The following PRDM16 variants were observed in gnomAD, a reference collection of about 807,000 sequenced individuals.
PRDM16 encodes PR/SET domain 16.
A neutral mutation model predicts 110.6 loss-of-function variants in PRDM16; 23 were observed. The observed-to-expected ratio is 0.21, with a 90% CI of 0.15 to 0.29. The LOEUF is 0.29. PRDM16 is among the 10% of genes least tolerant of loss of function. PRDM16 has a pLI of 1.00. For synonymous variants in PRDM16, 799 were observed against 781.8 expected, an observed-to-expected ratio of 1.02 and a Z score of -0.37; for missense variants, 1,615 against 1,794.3, an observed-to-expected ratio of 0.90 and a Z score of 1.81.
chr1:3,091,069 C>G (rs1008701691), intron 1 of PRDM16, among the ~76,000 whole-genome samples: 1 of 152,260 alleles, frequency 6.6e-6, no homozygotes, highest in African/African-American at 2.4e-5. Flanking sequence ...AGCTCTAGCT[C>G]TGGACGGGGC....
At chr1:3,303,291 C>G (rs1003917821) in intron 3 of PRDM16, among the ~76,000 whole-genome samples, 1 of 152,004 alleles carries the variant, frequency 6.6e-6, no homozygotes, top group African/African-American at 2.4e-5. Flanking sequence ...TTTGCCTCTT[C>G]CAGACATTTC....
chr1:3,222,856 A>C (rs1639197909), intron 2 of PRDM16, among the ~76,000 whole-genome samples: 1 of 152,174 alleles, frequency 6.6e-6, no homozygotes, highest in South Asian at 2.1e-4. Context: ...ATGTGAGGGC[A>C]CTTTGCATCC....
At position 3,204,712 on chromosome 1, in the gene PRDM16, G is replaced by A. The variant is rs541038589; in HGVS notation, c.387+18238G>A. The stretch of plus-strand genomic sequence containing the variant: ...TGTACGTAGACGTGTGACCACGATC[G>A]TGTGTTCTGTCTTTGGCCCGACCGG... On this transcript the variant is annotated intron_variant, in intron 2 of 16. Transcript: ENST00000270722. Among the ~76,000 whole-genome samples the A allele has an allele frequency of 1.1e-4, 16 of 152,264 alleles. No individual in the cohort carries two copies. The East Asian group carries it at 2.9e-3, about 27-fold the overall frequency.
chr1:3,303,046 A>G (rs1001848833), intron 3 of PRDM16, among the ~76,000 whole-genome samples: 4 of 152,206 alleles, frequency 2.6e-5, no homozygotes, highest in African/African-American at 9.7e-5. Flanking sequence ...ACACTTATAT[A>G]TATCAGCTTT....
At chr1:3,163,547 C>T (rs1015776295) in intron 1 of PRDM16, among the ~76,000 whole-genome samples, 40 of 152,200 alleles carry the variant, frequency 2.6e-4, no homozygotes, top group East Asian at 5.8e-4. Context: ...AGGTCCTAAC[C>T]GGGTACCCCA....
chr1:3,324,676 CAG>C (rs1015285350), intron 3 of PRDM16, among the ~76,000 whole-genome samples: 5 of 151,962 alleles, frequency 3.3e-5, no homozygotes, highest in Middle Eastern at 3.2e-3. Flanking sequence ...CGGGCACAGG[CAG>C]GCTCCGACTC....
chr1:3,247,779 C>CG (rs1407436060), intron 3 of PRDM16, among the ~76,000 whole-genome samples: 1 of 152,246 alleles, frequency 6.6e-6, no homozygotes, highest in African/African-American at 2.4e-5. Context: ...CCTGGGCGCG[C>CG]GTCACCGGCG....
In PRDM16 at chr1:3,157,182, CCGCT is replaced by C. The variant is rs1459153795; in HGVS notation, c.38-28940_38-28937del. 4.6e-5 allele frequency among the ~76,000 whole-genome samples: 7 copies of C among 152,122 alleles called. No individual in the cohort carries two copies. Among genetic ancestry groups the C allele is most frequent in the Non-Finnish European group, 1.0e-4 (7 of 68,024 alleles). ...GAGGGCGGGACCTGGAGAAGGAGGG[CCGCT>C]CGGCAACCGCTGAGCCGGCGCAAGA... On this transcript the variant is annotated intron_variant, in intron 1 of 16. Transcript: ENST00000270722. This position sits in a 1 kb window ranked among gnomAD's most constrained non-coding sequence, Gnocchi z 4.8.
intron 3 of PRDM16, among the ~76,000 whole-genome samples, chr1:3,311,917 G>C (rs1641470695): frequency 6.6e-6 from 1 of 152,176 alleles, no homozygotes; most frequent in South Asian, 2.1e-4. Flanking sequence ...TCGCTCTACA[G>C]CTTTGCAGGT....
At position 3,118,211 on chromosome 1, in the gene PRDM16, G is replaced by A. The variant is rs78362105; in HGVS notation, c.37+48915G>A. ...TGCATGCATGTACACACGCACACACGCACACACACACGTGCACACACGTGC... is the reference window on the plus strand; with the variant it reads ...TGCATGCATGTACACACGCACACACACACACACACACGTGCACACACGTGC... On this transcript the variant is annotated intron_variant, in intron 1 of 16. Transcript: ENST00000270722. Among the ~76,000 whole-genome samples, 998 of 151,556 alleles carry A rather than the reference G, an allele frequency of 6.6e-3. 13 individuals carry two copies. Among genetic ancestry groups the A allele is most frequent in the African/African-American group, 0.021 (874 of 41,346 alleles).
rs546011939 is a variant in PRDM16 at position 3,204,301 on chromosome 1, G to T, written c.387+17827G>T. Among the ~76,000 whole-genome samples, 69 of 152,242 alleles carry T rather than the reference G, an allele frequency of 4.5e-4. 1 individual carries two copies. Among genetic ancestry groups the T allele is most frequent in the Admixed American group, 3.6e-3 (55 of 15,294 alleles). On this transcript the variant is annotated intron_variant, in intron 2 of 16. Transcript: ENST00000270722. ...TGGGGGGAGGGCAGTGGAAATTGGG[G>T]TAACTGTGGACCCCGCCTGCTCCCC...
intron 2 of PRDM16, among the ~76,000 whole-genome samples, chr1:3,219,008 G>A (rs1427769234): frequency 1.3e-5 from 2 of 152,208 alleles, no homozygotes; most frequent in Non-Finnish European, 2.9e-5. Flanking sequence ...AGGGGTCCTC[G>A]CGTCCAGTGC....
At chr1:3,369,842 T>C (rs1642878713) in intron 3 of PRDM16, among the ~76,000 whole-genome samples, 1 of 152,230 alleles carries the variant, frequency 6.6e-6, no homozygotes, top group Admixed American at 6.5e-5. Flanking sequence ...TGACCATTTT[T>C]GTATGTCAAA....
In PRDM16 at chr1:3,358,186, C is replaced by A. The variant is rs575414482; in HGVS notation, c.439-26966C>A. On this transcript the variant is annotated intron_variant, in intron 3 of 16. Transcript: ENST00000270722. This position sits in a 1 kb window ranked among gnomAD's most constrained non-coding sequence, Gnocchi z 4.0. ...CACACAGACACGGTGCAATAGGCCACTTTCTGGCCTTGGAGGGAAGTTTGT... is the reference window on the plus strand; with the variant it reads ...CACACAGACACGGTGCAATAGGCCAATTTCTGGCCTTGGAGGGAAGTTTGT... 6.6e-6 allele frequency among the ~76,000 whole-genome samples: 1 copy of A among 152,374 alleles called. No individual in the cohort carries two copies. The highest frequency in any genetic ancestry group is 2.4e-5 in the African/African-American group (1 of 41,602).
chr1:3,103,121 G>A (rs1642570219), intron 1 of PRDM16, among the ~76,000 whole-genome samples: 1 of 152,172 alleles, frequency 6.6e-6, no homozygotes, highest in Non-Finnish European at 1.5e-5. Context: ...AGGAGAGATG[G>A]GCAGCTCCAT....
chr1:3,141,340 G>A (rs1246494728), intron 1 of PRDM16, among the ~76,000 whole-genome samples: 1 of 152,174 alleles, frequency 6.6e-6, no homozygotes, highest in Non-Finnish European at 1.5e-5. Flanking sequence ...GGTAATTTAT[G>A]ACTGGTGCCT....
chr1:3,085,554 T>A (rs574874706), intron 1 of PRDM16, among the ~76,000 whole-genome samples: 39 of 152,326 alleles, frequency 2.6e-4, no homozygotes, highest in African/African-American at 8.9e-4. Flanking sequence ...AAAAGCTGAG[T>A]GACCCCGGCT....
At chr1:3,409,659 G>A (rs973066572) in intron 8 of PRDM16, among the ~76,000 whole-genome samples, 1 of 151,568 alleles carries the variant, frequency 6.6e-6, no homozygotes, top group Non-Finnish European at 1.5e-5. Context: ...TGTGTGTGTG[G>A]TGTGCGTGTC....
chr1:3,250,592 A>G (rs1639907795), intron 3 of PRDM16, among the ~76,000 whole-genome samples: 1 of 151,974 alleles, frequency 6.6e-6, no homozygotes, highest in South Asian at 2.1e-4. Flanking sequence ...TTACCGTCCT[A>G]TGCAGTGGTT....
Sources: allele counts gnomAD v4.1 joint callset (sites outside exome capture counted in the v4.1 genomes callset), GRCh38; gene constraint gnomAD v4.1.1; non-coding constraint Gnocchi (gnomAD v3.1); transcripts MANE v1.5; gene names NCBI Gene and HGNC (gene_info 2026-07-23, HGNC 2026-07-21).